The following PIP5K1B variants were observed in gnomAD, a reference collection of about 807,000 sequenced individuals.
The protein encoded by PIP5K1B is phosphatidylinositol 4-phosphate 5-kinase type-1 beta.
PIP5K1B carries 42 observed loss-of-function variants against 67.0 expected under a neutral mutation model. The ratio of observed to expected loss-of-function variants is 0.63; its 90% confidence interval spans 0.49 to 0.81. The LOEUF (loss-of-function observed/expected upper bound fraction) is 0.81. Among genes scored for constraint, PIP5K1B ranks in the 30% least tolerant of loss-of-function variants. The pLI, the probability that PIP5K1B is intolerant of heterozygous loss-of-function variation, is 0.00. For synonymous variants in PIP5K1B, 214 were observed against 231.4 expected (o/e 0.92, Z 0.68); for missense variants, 459 against 646.3 (o/e 0.71, Z 3.14).
chr9:68,941,986 T>C (rs1424837627), intron 14 of PIP5K1B, among the ~76,000 whole-genome samples: 1 of 152,204 alleles, frequency 6.6e-6, no homozygotes, highest in Admixed American at 6.5e-5. Context: ...AAATCTTAGC[T>C]GGGCCTGAGT....
chr9:68,981,847 C>A (rs904326142), intron 14 of PIP5K1B, among the ~76,000 whole-genome samples: 2 of 151,810 alleles, frequency 1.3e-5, no homozygotes, highest in Non-Finnish European at 2.9e-5. Flanking sequence ...ATCAGGGTGC[C>A]ATTAACGTTT....
intron 15 of PIP5K1B, 148 bp from the exon 16 acceptor site, chr9:69,008,299 C>G: frequency 1.4e-6 from 1 of 729,980 alleles, no homozygotes; most frequent in South Asian, 1.5e-5. Context: ...CTATGCTGAT[C>G]ATTGCAGAAG....
chr9:68,833,278 G>T (rs1834416197), intron 4 of PIP5K1B, among the ~76,000 whole-genome samples: 1 of 152,254 alleles, frequency 6.6e-6, no homozygotes, highest in Non-Finnish European at 1.5e-5. Flanking sequence ...ACAGGGGCTG[G>T]GATCGCGAGT....
At chr9:68,990,598 T>C (rs1830318339) in intron 14 of PIP5K1B, among the ~76,000 whole-genome samples, 1 of 146,962 alleles carries the variant, frequency 6.8e-6, no homozygotes, top group Admixed American at 7.0e-5. Context: ...AGATCCCCTC[T>C]CCCAAATGCA....
At chr9:68,780,195 G>C (rs377253751) in intron 2 of PIP5K1B, 3 of 1,534,808 alleles carry the variant, frequency 2.0e-6, no homozygotes, top group Non-Finnish European at 2.6e-6. Flanking sequence ...GCTAGACCTG[G>C]AGCTGCCTCC....
chr9:68,957,915 C>G (rs1306160171), intron 14 of PIP5K1B, among the ~76,000 whole-genome samples: 2 of 151,902 alleles, frequency 1.3e-5, no homozygotes, highest in Non-Finnish European at 2.9e-5. Context: ...GCTCTGTTGC[C>G]CAGGCTGGAG....
chr9:68,790,545 A>G (rs1027204028), intron 2 of PIP5K1B, among the ~76,000 whole-genome samples: 2 of 152,228 alleles, frequency 1.3e-5, no homozygotes, highest in African/African-American at 4.8e-5. Flanking sequence ...TTAAGCAGAT[A>G]ATGTCAAATA....
At position 68,735,316 on chromosome 9, in the gene PIP5K1B, CTTTTTTTTTTT is replaced by C. The variant is rs558810934; in HGVS notation, c.-242-7167_-242-7157del. 1.6e-3 allele frequency among the ~76,000 whole-genome samples: 47 copies of C among 29,808 alleles called. 1 individual carries two copies. Among genetic ancestry groups the C allele is most frequent in the Middle Eastern group, 0.028 (1 of 36 alleles). The allele number at this position is 29,808 out of a possible 152,430, so 19.6% of individuals were successfully genotyped here. On this transcript the variant is annotated intron_variant, in intron 1 of 15. Transcript: ENST00000265382. Reference sequence around the variant, plus strand: ...CAGATTTGCTGTTTTCCCCTAGTGTCTTTTTTTTTTTTTTTTTTTTTTTTTTTTGGTGGTTG... The same window carrying C: ...CAGATTTGCTGTTTTCCCCTAGTGTCTTTTTTTTTTTTTTTTTGGTGGTTG...
At chr9:68,856,852 G>T (rs1822803583) in intron 4 of PIP5K1B, among the ~76,000 whole-genome samples, 1 of 152,194 alleles carries the variant, frequency 6.6e-6, no homozygotes, top group Admixed American at 6.5e-5. Flanking sequence ...AGAATAATGG[G>T]ACCCCAAAGA....
At chr9:68,855,420 C>T (rs1362974412) in intron 4 of PIP5K1B, among the ~76,000 whole-genome samples, 1 of 152,192 alleles carries the variant, frequency 6.6e-6, no homozygotes, top group Non-Finnish European at 1.5e-5. Context: ...TCTCTCTAAC[C>T]TCTATCCCAA....
chr9:68,940,020 T>C (rs1168400955), intron 13 of PIP5K1B, among the ~76,000 whole-genome samples: 1 of 152,202 alleles, frequency 6.6e-6, no homozygotes, highest in African/African-American at 2.4e-5. Context: ...GCATAAGTAA[T>C]TTCATGGGCC....
intron 15 of PIP5K1B, among the ~76,000 whole-genome samples, chr9:69,003,452 G>C (rs1830915262): frequency 7.1e-6 from 1 of 140,292 alleles, no homozygotes; most frequent in Non-Finnish European, 1.5e-5. Context: ...ACTGAAACCT[G>C]AGGTAATTAT....
Position 68,889,124 on chromosome 9 carries a change from C to T in PIP5K1B, c.462C>T (p.Gly154=). 1 of 1,612,522 alleles carries T rather than the reference C, an allele frequency of 6.2e-7. No individual in the cohort carries two copies. The highest frequency in any genetic ancestry group is 8.5e-7 in the Non-Finnish European group (1 of 1,178,728). ...EAEFLQKLLP[G]YYMNLNQNPR... is the part of the protein sequence containing the mutation. ...AGTTTCTTCAGAAGCTACTGCCAGG[C>T]TATTACATGGTAAGGAACTGCACAT... Residue 154 remains glycine (G), a synonymous_variant, in exon 7 of 16, where the codon GGC becomes GGT. Transcript: ENST00000265382.
chr9:68,904,504 A>G (rs10746969), intron 8 of PIP5K1B, among the ~76,000 whole-genome samples: 102,198 of 152,138 alleles, frequency 0.67, 36,335 homozygotes, highest in Admixed American at 0.79. Context: ...AATTTTAAAA[A>G]TTTAATGAAA....
At chr9:68,772,274 C>A (rs1362700899) in intron 2 of PIP5K1B, among the ~76,000 whole-genome samples, 5 of 152,212 alleles carry the variant, frequency 3.3e-5, no homozygotes, top group African/African-American at 1.2e-4. Flanking sequence ...ACTACTGAGA[C>A]TTCTTGAATC....
At chr9:68,933,148 G>A (rs953036707) in intron 12 of PIP5K1B, among the ~76,000 whole-genome samples, 2 of 151,560 alleles carry the variant, frequency 1.3e-5, no homozygotes, top group African/African-American at 4.8e-5. Context: ...TATATTGAAA[G>A]ACAGGAGTTT....
intron 8 of PIP5K1B, among the ~76,000 whole-genome samples, chr9:68,915,915 C>G (rs948825549): frequency 2.0e-5 from 3 of 152,208 alleles, no homozygotes; most frequent in African/African-American, 7.2e-5. Flanking sequence ...CCATACTTCA[C>G]AAAGCCTTTT....
intron 2 of PIP5K1B, among the ~76,000 whole-genome samples, chr9:68,764,743 T>A (rs1830351266): frequency 6.6e-6 from 1 of 152,092 alleles, no homozygotes; most frequent in South Asian, 2.1e-4. Flanking sequence ...TAGTTACAGG[T>A]GATAAACTAA....
intron 2 of PIP5K1B, among the ~76,000 whole-genome samples, chr9:68,798,579 T>C (rs1413885603): frequency 1.3e-5 from 2 of 151,900 alleles, no homozygotes; most frequent in Non-Finnish European, 2.9e-5. Flanking sequence ...GGCATGTGCA[T>C]GCACTTGGGG....
Sources: gnomAD v4.1 joint callset for allele counts (sites outside exome capture counted in the v4.1 genomes callset) on GRCh38, gnomAD v4.1.1 for gene constraint, MANE v1.5 for transcripts, NCBI Gene and HGNC (gene_info 2026-07-23, HGNC 2026-07-21) for gene names.